The following RBMS3 variants were observed in gnomAD, a reference collection of about 807,000 sequenced individuals.
The protein encoded by RBMS3 is RNA-binding motif, single-stranded-interacting protein 3.
In RBMS3, 27 loss-of-function variants were observed where a neutral mutation model predicts 66.8. The ratio of observed to expected loss-of-function variants is 0.40; its 90% CI spans 0.30 to 0.56. RBMS3 has a LOEUF of 0.56. Ranked by LOEUF, RBMS3 falls within the 20% of genes least tolerant of loss-of-function variation. The probability of loss-of-function intolerance (pLI) is 0.40; values close to 1 mark genes in which losing one functional copy is unlikely to be tolerated. For missense variants in RBMS3, 513 were observed against 549.5 expected (o/e 0.93, Z 0.66); for synonymous variants, 188 against 183.0 (o/e 1.03, Z -0.22).
At chr3:29,662,052 G>A (rs1311884009) in intron 4 of RBMS3, among the ~76,000 whole-genome samples, 1 of 152,144 alleles carries the variant, frequency 6.6e-6, no homozygotes, top group African/African-American at 2.4e-5. Flanking sequence ...TCAGCTGAAT[G>A]ATCTATGCAC....
At chr3:29,356,477 A>C (rs973387362) in intron 1 of RBMS3, among the ~76,000 whole-genome samples, 4 of 152,168 alleles carry the variant, frequency 2.6e-5, no homozygotes, top group Admixed American at 2.6e-4. Context: ...ATTTTCAGAG[A>C]GCCTAGTTAA....
At chr3:29,314,503 C>A (rs1421462932) in intron 1 of RBMS3, among the ~76,000 whole-genome samples, 1 of 151,650 alleles carries the variant, frequency 6.6e-6, no homozygotes, top group Non-Finnish European at 1.5e-5. Flanking sequence ...GACTGTGATA[C>A]AGGCTGAGGT....
At chr3:29,473,124 G>C (rs180926757) in intron 2 of RBMS3, among the ~76,000 whole-genome samples, 10 of 151,808 alleles carry the variant, frequency 6.6e-5, no homozygotes, top group African/African-American at 2.4e-4. Flanking sequence ...AGAGAGTGCC[G>C]ATTGGTGTAT....
At chr3:29,528,130 T>G (rs1167769003) in intron 3 of RBMS3, among the ~76,000 whole-genome samples, 1 of 120,464 alleles carries the variant, frequency 8.3e-6, no homozygotes, top group Admixed American at 8.0e-5. Flanking sequence ...TTTTTTTTTT[T>G]GAGATATGGT....
chr3:29,536,131 T>C (rs2045549320), intron 3 of RBMS3, among the ~76,000 whole-genome samples: 1 of 152,192 alleles, frequency 6.6e-6, no homozygotes, highest in South Asian at 2.1e-4. Context: ...TATTTTGTTT[T>C]TTATTTGCAT....
intron 2 of RBMS3, among the ~76,000 whole-genome samples, chr3:29,451,413 A>G (rs939608555): frequency 1.3e-5 from 2 of 152,186 alleles, no homozygotes; most frequent in Non-Finnish European, 2.9e-5. Context: ...GCTTTTTAAA[A>G]TAAAGATAGT....
intron 7 of RBMS3, among the ~76,000 whole-genome samples, chr3:29,872,722 C>G (rs1321021395): frequency 6.6e-6 from 1 of 152,186 alleles, no homozygotes; most frequent in Non-Finnish European, 1.5e-5. Flanking sequence ...CCAGGAGCAT[C>G]ATGATCCAGC....
In RBMS3 at chr3:29,516,441, TTTTG is replaced by T. The variant is rs550149320; in HGVS notation, c.307+27950_307+27953del. Among the ~76,000 whole-genome samples, 206 of 152,130 alleles carry T rather than the reference TTTTG, an allele frequency of 1.4e-3. 1 individual carries two copies. Among genetic ancestry groups the T allele is most frequent in the African/African-American group, 4.9e-3 (203 of 41,512 alleles). On this transcript the variant is annotated intron_variant, in intron 3 of 14. Transcript: ENST00000383767. ...TGAAGACTATGGAGAGGAAGTTTTT[TTTTG>T]TTTGTTTTTGTTTTTTGGTTTTGTT...
In RBMS3 at chr3:29,787,839, T is replaced by TA. The variant is rs578172830; in HGVS notation, c.637+24858dup. ...CTGTTACCCCAAAACCTACTGAAAT[T>TA]AAAAAAAATTAAAAATTAAAGTAAA... On this transcript the variant is annotated intron_variant, in intron 6 of 14. Transcript: ENST00000383767. Among the ~76,000 whole-genome samples the TA allele has an allele frequency of 1.6e-3, 248 of 152,080 alleles. 1 individual carries two copies. Among genetic ancestry groups the TA allele is most frequent in the Non-Finnish European group, 1.7e-3 (118 of 67,962 alleles).
intron 6 of RBMS3, among the ~76,000 whole-genome samples, chr3:29,790,688 A>G (rs1407865833): frequency 6.6e-6 from 1 of 152,142 alleles, no homozygotes; most frequent in Non-Finnish European, 1.5e-5. Flanking sequence ...AACATTCAGG[A>G]AAGTGTGTTA....
intron 1 of RBMS3, among the ~76,000 whole-genome samples, chr3:29,294,456 AC>A (rs1559466466): frequency 1.3e-5 from 2 of 151,718 alleles, no homozygotes; most frequent in Admixed American, 6.6e-5. Flanking sequence ...GAAAAAAAAA[AC>A]ATAGTACTGC....
chr3:29,825,391 C>T lies in RBMS3; in HGVS notation c.638-43467C>T, dbSNP rs151285080. On this transcript the variant is annotated intron_variant, in intron 6 of 14. Transcript: ENST00000383767. ...GAGATACTAACTGGTTAATATTGTT[C>T]AGCTGTTTCCCCACCCAAATCTCAT... Among the ~76,000 whole-genome samples, 42 of 152,146 alleles carry T rather than the reference C, an allele frequency of 2.8e-4. No individual in the cohort carries two copies. The East Asian group carries it at 8.1e-3, about 29-fold the overall frequency.
rs144025117 is a variant in RBMS3, at chr3:29,475,086, G to C, written c.249-13355G>C. 2.1e-3 allele frequency among the ~76,000 whole-genome samples: 318 copies of C among 152,282 alleles called. 2 individuals carry two copies. Among genetic ancestry groups the C allele is most frequent in the Non-Finnish European group, 3.5e-3 (239 of 68,026 alleles). The stretch of plus-strand genomic sequence containing the variant: ...TAATATTGCAACCCAGCTGAGCAAA[G>C]TGATACATATGGTAATGAAAGGTTT... On this transcript the variant is annotated intron_variant, in intron 2 of 14. Coordinates refer to ENST00000383767, the MANE Select transcript of RBMS3 (RefSeq NM_001003793.3).
At chr3:29,520,729 T>C (rs1015880684) in intron 3 of RBMS3, among the ~76,000 whole-genome samples, 3 of 152,160 alleles carry the variant, frequency 2.0e-5, no homozygotes, top group African/African-American at 4.8e-5. Context: ...CAGCGAAACA[T>C]TGAAAGTGCT....
intron 3 of RBMS3, among the ~76,000 whole-genome samples, chr3:29,549,020 T>G (rs532936287): frequency 4.6e-5 from 7 of 151,144 alleles, no homozygotes; most frequent in Admixed American, 2.0e-4. Flanking sequence ...AACAAAGATA[T>G]GTACACAAGC....
chr3:29,688,564 A>ATTTTTTTTTTTTT lies in RBMS3; in HGVS notation c.400-51131_400-51119dup, dbSNP rs55943638. 6.0e-5 allele frequency among the ~76,000 whole-genome samples: 4 copies of ATTTTTTTTTTTTT among 67,130 alleles called. 1 individual carries two copies. The highest frequency in any genetic ancestry group is 1.5e-4 in the African/African-American group (2 of 13,054). The allele number at this position is 67,130 out of a possible 152,430, so 44.0% of individuals were successfully genotyped here. A position where few individuals can be genotyped will look rare whatever the true frequency, so the allele number is the denominator to read the frequency against. On this transcript the variant is annotated intron_variant, in intron 4 of 14. Transcript: ENST00000383767. ...TCACATCAGGCACAAAAGTTACAGG[A>ATTTTTTTTTTTTT]TTTTTTTTTTTTTTTTTTTTTTTTT... is the stretch of plus-strand genomic sequence containing the variant.
chr3:29,516,994 C>G (rs891099930), intron 3 of RBMS3, among the ~76,000 whole-genome samples: 1 of 151,944 alleles, frequency 6.6e-6, no homozygotes, highest in African/African-American at 2.4e-5. Flanking sequence ...AGGTGGATCA[C>G]TTGAGCCCAA....
At chr3:29,333,573 T>C (rs1452081661) in intron 1 of RBMS3, among the ~76,000 whole-genome samples, 1 of 152,196 alleles carries the variant, frequency 6.6e-6, no homozygotes, top group Non-Finnish European at 1.5e-5. Context: ...ATAGTGAAGC[T>C]ACAATTAAGG....
chr3:29,868,441 G>GAAA (rs2059412453), intron 6 of RBMS3, among the ~76,000 whole-genome samples: 1 of 152,146 alleles, frequency 6.6e-6, no homozygotes, highest in African/African-American at 2.4e-5. Context: ...TTTTGAGAAA[G>GAAA]AAGCTCCTAA....
Sources: gnomAD v4.1 joint callset for allele counts (sites outside exome capture counted in the v4.1 genomes callset) on GRCh38, gnomAD v4.1.1 for gene constraint, MANE v1.5 for transcripts, NCBI Gene and HGNC (gene_info 2026-07-23, HGNC 2026-07-21) for gene names.